The following CACNA1D variants were observed in gnomAD, a reference collection of about 807,000 sequenced individuals.
CACNA1D encodes the protein voltage-dependent L-type calcium channel subunit alpha-1D.
A neutral mutation model predicts 257.1 loss-of-function variants in CACNA1D; 55 were observed. That is an observed-to-expected ratio of 0.21 (90% confidence interval 0.17 to 0.27). CACNA1D has a LOEUF of 0.27. Among genes scored for constraint, CACNA1D ranks in the 10% least tolerant of loss-of-function variants. The pLI is 1.00. For missense variants in CACNA1D, 1,876 were observed against 2,784.0 expected (o/e 0.67, Z 7.34); for synonymous variants, 980 against 1,014.9 (o/e 0.97, Z 0.65).
At chr3:53,660,082 C>A in intron 4 of CACNA1D, 51 bp from the exon 5 acceptor site, 2 of 1,535,324 alleles carry the variant, frequency 1.3e-6, no homozygotes, top group Non-Finnish European at 1.8e-6. Flanking sequence ...TCCTGTTTTG[C>A]GTCCCTGGGG....
chr3:53,717,878 A>T (rs1398740666), intron 9 of CACNA1D, among the ~76,000 whole-genome samples: 1 of 152,182 alleles, frequency 6.6e-6, no homozygotes, highest in East Asian at 1.9e-4. Context: ...TGACTCATGA[A>T]ATGTTAGGGT....
At chr3:53,760,151 G>A (rs752223956) in intron 29 of CACNA1D, among the ~76,000 whole-genome samples, 4 of 152,218 alleles carry the variant, frequency 2.6e-5, no homozygotes, top group Non-Finnish European at 5.9e-5. Context: ...GCGGTTGGGT[G>A]GGGGAATCTT....
At position 53,801,330 on chromosome 3, in the gene CACNA1D, GC is replaced by G; in HGVS notation, c.5316del (p.Ser1773AlafsTer29). On this transcript the variant is annotated frameshift_variant, in exon 42 of 48. Coordinates refer to ENST00000350061, the MANE Select transcript of CACNA1D (RefSeq NM_001128840.3). LOFTEE classifies it high-confidence loss of function. ...TGTCCAAAGCTGCCCATGGAAAGCG[GC>G]CCAGCATTGGGAACCTTGAGCATGT... ...NMSKAAHGKR[P>X]SIGNLEHVSE... is the part of the protein sequence containing the mutation. 1 of 1,614,144 alleles carries G rather than the reference GC, an allele frequency of 6.2e-7. No individual in the cohort carries two copies. Among genetic ancestry groups the G allele is most frequent in the Non-Finnish European group, 8.5e-7 (1 of 1,180,010 alleles).
intron 3 of CACNA1D, among the ~76,000 whole-genome samples, chr3:53,639,709 G>T (rs186859956): frequency 6.6e-6 from 1 of 151,908 alleles, no homozygotes; most frequent in Non-Finnish European, 1.5e-5. Flanking sequence ...TAACTCAGAC[G>T]TCAATCAACG....
intron 29 of CACNA1D, among the ~76,000 whole-genome samples, chr3:53,760,303 A>G (rs2095293442): frequency 6.6e-6 from 1 of 152,200 alleles, no homozygotes; most frequent in Non-Finnish European, 1.5e-5. Context: ...CACATCTTCT[A>G]TACTGTCGCA....
rs181459882 is a variant in CACNA1D at position 53,623,944 on chromosome 3, A to G, written c.484-26835A>G. 6.2e-4 allele frequency among the ~76,000 whole-genome samples: 94 copies of G among 152,354 alleles called. 4 individuals carry two copies. The East Asian group carries it at 0.011, about 18-fold the overall frequency. On this transcript the variant is annotated intron_variant, in intron 3 of 47. Transcript: ENST00000350061. ...AGTGATCGGGGACGGTGCAGAGTTC[A>G]TAAATAATTTAAAATATACAGAGTT...
At chr3:53,709,708 A>G (rs2094729555) in intron 9 of CACNA1D, among the ~76,000 whole-genome samples, 1 of 152,100 alleles carries the variant, frequency 6.6e-6, no homozygotes, top group African/African-American at 2.4e-5. Context: ...GGGGTTAAAG[A>G]TCCTAGAGTC....
At position 53,653,797 on chromosome 3, in the gene CACNA1D, A is replaced by G. The variant is rs2094121823; in HGVS notation, c.623+2879A>G. Among the ~76,000 whole-genome samples the G allele has an allele frequency of 2.0e-5, 3 of 152,148 alleles. No homozygotes were observed. In the South Asian group the frequency reaches 6.2e-4, roughly 32 times the overall value. ...AAAAAAATTTTGAAGAAACAGCTCC[A>G]GATTTTCCAAATGTGATGAAAAATG... On this transcript the variant is annotated intron_variant, in intron 4 of 47. Coordinates refer to ENST00000350061, the MANE Select transcript of CACNA1D (RefSeq NM_001128840.3).
chr3:53,768,631 C>T lies in CACNA1D; in HGVS notation c.3871-1342C>T, dbSNP rs550795533. On this transcript the variant is annotated intron_variant, in intron 30 of 47. Transcript: ENST00000350061. ...GTGGCAGAGTTCCCATTCTGAGCAT[C>T]CCAGGAGAAGCAAGGACCCCTTTTA... Among the ~76,000 whole-genome samples the T allele has an allele frequency of 3.6e-3, 554 of 152,302 alleles. 5 individuals are homozygous for T. Among genetic ancestry groups the T allele is most frequent in the Middle Eastern group, 0.031 (9 of 294 alleles).
At chr3:53,592,321 G>T (rs2093316892) in intron 3 of CACNA1D, among the ~76,000 whole-genome samples, 1 of 152,184 alleles carries the variant, frequency 6.6e-6, no homozygotes, top group East Asian at 1.9e-4. Context: ...GAGGGGATGG[G>T]CACCCAGCCT....
chr3:53,580,898 G>A (rs1312175440), intron 3 of CACNA1D, among the ~76,000 whole-genome samples: 1 of 152,238 alleles, frequency 6.6e-6, no homozygotes, highest in East Asian at 1.9e-4. Flanking sequence ...GCATACAATG[G>A]CCATTTGGTA....
At chr3:53,591,202 G>C (rs958917773) in intron 3 of CACNA1D, among the ~76,000 whole-genome samples, 1 of 151,842 alleles carries the variant, frequency 6.6e-6, no homozygotes, top group African/African-American at 2.4e-5. Context: ...TTCTTTCCTT[G>C]AATCCAATGT....
chr3:53,501,511 C>T (rs952871124), intron 2 of CACNA1D, 104 bp from the exon 3 acceptor site: 6 of 708,962 alleles, frequency 8.5e-6, no homozygotes, highest in Non-Finnish European at 1.5e-5. Context: ...TTGTGTATGT[C>T]ATTTTCCTTT....
intron 3 of CACNA1D, among the ~76,000 whole-genome samples, chr3:53,580,986 C>T (rs956600046): frequency 3.3e-5 from 5 of 152,172 alleles, no homozygotes; most frequent in African/African-American, 1.2e-4. Flanking sequence ...GATCTGGACC[C>T]AAGTCCAGGT....
intron 3 of CACNA1D, among the ~76,000 whole-genome samples, chr3:53,602,446 ATT>A: frequency 6.6e-6 from 1 of 152,288 alleles, no homozygotes; most frequent in African/African-American, 2.4e-5. Flanking sequence ...TGATATATTG[ATT>A]TCCTTTCTGT....
chr3:53,789,598 G>A lies in CACNA1D; in HGVS notation c.4923+2646G>A, dbSNP rs1576673392. On this transcript the variant is annotated intron_variant, in intron 40 of 47. Transcript: ENST00000350061. This position sits in a 1 kb window ranked among gnomAD's most constrained non-coding sequence, Gnocchi z 4.2. Reference sequence around the variant, plus strand: ...CGGGAAGCCCCTGAGAGTGGGCGTGGCCTGTTGAGATGGAGGATGGCTTGC... The same window carrying A: ...CGGGAAGCCCCTGAGAGTGGGCGTGACCTGTTGAGATGGAGGATGGCTTGC... Among the ~76,000 whole-genome samples, 2 of 152,360 alleles carry A rather than the reference G, an allele frequency of 1.3e-5. No individual in the cohort carries two copies. The highest frequency in any genetic ancestry group is 3.9e-4 in the East Asian group (2 of 5,190).
chr3:53,610,626 G>T (rs1173582842), intron 3 of CACNA1D, among the ~76,000 whole-genome samples: 3 of 152,116 alleles, frequency 2.0e-5, no homozygotes, highest in Non-Finnish European at 4.4e-5. Context: ...TGAAGTGTTT[G>T]TGTCATTTAT....
At chr3:53,572,271 C>T (rs1216184648) in intron 3 of CACNA1D, among the ~76,000 whole-genome samples, 1 of 152,170 alleles carries the variant, frequency 6.6e-6, no homozygotes, top group Non-Finnish European at 1.5e-5. Flanking sequence ...GGTGCTGACC[C>T]CACAAGTTGA....
chr3:53,537,445 T>C (rs1029176400), intron 3 of CACNA1D, among the ~76,000 whole-genome samples: 6 of 152,242 alleles, frequency 3.9e-5, no homozygotes, highest in Admixed American at 3.9e-4. Flanking sequence ...TTCTCAGGTA[T>C]ATCAGCAAAT....
Sources: gnomAD v4.1 joint callset for allele counts (sites outside exome capture counted in the v4.1 genomes callset) on GRCh38, gnomAD v4.1.1 for gene constraint, Gnocchi (gnomAD v3.1) non-coding constraint, MANE v1.5 for transcripts, NCBI Gene and HGNC (gene_info 2026-07-23, HGNC 2026-07-21) for gene names.